The following KCNQ1 variants were observed in gnomAD, a reference collection of about 807,000 sequenced individuals.
KCNQ1 encodes the protein potassium voltage-gated channel subfamily Q member 1, also known as potassium voltage-gated channel subfamily KQT member 1.
In KCNQ1, 49 loss-of-function variants were observed where a neutral mutation model predicts 72.4. The observed-to-expected ratio is 0.68, with a 90% CI of 0.54 to 0.86. The LOEUF is 0.86. Among genes scored for constraint, KCNQ1 ranks in the 40% least tolerant of loss-of-function variants. The pLI is 0.00. For synonymous variants in KCNQ1, 450 were observed against 412.6 expected (o/e 1.09, Z -1.10); for missense variants, 790 against 945.1 (o/e 0.84, Z 2.15).
At chr11:2,597,402 T>C (rs533717335) in intron 10 of KCNQ1, among the ~76,000 whole-genome samples, 1 of 152,346 alleles carries the variant, frequency 6.6e-6, no homozygotes, top group East Asian at 1.9e-4. Flanking sequence ...AATTGTTAAA[T>C]AGCAAAAAAT....
chr11:2,714,272 C>T (rs1760161214), intron 11 of KCNQ1, among the ~76,000 whole-genome samples: 1 of 152,246 alleles, frequency 6.6e-6, no homozygotes, highest in South Asian at 2.1e-4. Context: ...AGCCCACTCA[C>T]CTCACATGGC....
rs1015157327 is a variant in KCNQ1, at chr11:2,445,050, G to A, written c.-49G>A. Reference sequence around the variant, plus strand: ...CGCCCGGGCGCTCGCCTTCGCTGCAGCTCCCGGTGCCGCCGCTCGGGCCGG... The same window carrying A: ...CGCCCGGGCGCTCGCCTTCGCTGCAACTCCCGGTGCCGCCGCTCGGGCCGG... On this transcript the variant is annotated 5_prime_UTR_variant, in exon 1 of 16. Transcript: ENST00000155840. The A allele has an allele frequency of 1.3e-5, 14 of 1,040,956 alleles. No homozygotes were observed. In the African/African-American group the frequency reaches 2.4e-4, roughly 18 times the overall value. The allele number at this position is 1,040,956 out of a possible 1,614,324, so 64.5% of individuals were successfully genotyped here.
Position 2,572,880 on chromosome 11 carries a change from G to A in KCNQ1, c.815G>A (p.Gly272Asp), listed in dbSNP as rs199472726. 2.5e-6 allele frequency: 4 copies of A among 1,613,806 alleles called. No individual in the cohort carries two copies. In the Admixed American group the frequency reaches 6.7e-5, roughly 27 times the overall value. ...LITTLYIGFLGLIFSSYFVYL... is the reference protein window; with the variant it reads ...LITTLYIGFLDLIFSSYFVYL... The stretch of plus-strand genomic sequence containing the variant: ...ACCACCCTGTACATCGGCTTCCTGG[G>A]CCTCATCTTCTCCTCGTACTTTGTG... Residue 272 changes from glycine (G) to aspartate (D), a missense_variant, in exon 6 of 16, where the codon GGC (glycine) becomes GAC (aspartate). Physicochemically the swap from Gly to Asp is moderately conservative, Grantham distance 94. This residue lies in a region of KCNQ1 where 133 missense variants were observed against 219.5 expected (regional missense o/e 0.61). Transcript: ENST00000155840.
rs532214289 is a variant in KCNQ1 at position 2,498,010 on chromosome 11, C to T, written c.387-29918C>T. On this transcript the variant is annotated intron_variant, in intron 1 of 15. Transcript: ENST00000155840. This position sits in a 1 kb window ranked among gnomAD's most constrained non-coding sequence, Gnocchi z 4.8. The stretch of plus-strand genomic sequence containing the variant: ...GGTATCACCAGTGGAGGCTGCAGAA[C>T]AGCAAAGATTGCTGCCTACTCCTTC... 6.6e-6 allele frequency among the ~76,000 whole-genome samples: 1 copy of T among 152,328 alleles called. No individual in the cohort carries two copies. Among genetic ancestry groups the T allele is most frequent in the African/African-American group, 2.4e-5 (1 of 41,586 alleles).
intron 15 of KCNQ1, among the ~76,000 whole-genome samples, chr11:2,811,234 C>G (rs1847479414): frequency 6.6e-6 from 1 of 152,238 alleles, no homozygotes; most frequent in Admixed American, 6.5e-5. Flanking sequence ...GTCCCCACGA[C>G]CCCTGTCCGG....
chr11:2,451,296 G>A lies in KCNQ1; in HGVS notation c.386+5812G>A, dbSNP rs1484800453. The stretch of plus-strand genomic sequence containing the variant: ...CGTGCAACCTAGATCCCTTGTGTGC[G>A]CAGTTCACAATAGGATTTGTGCTCC... On this transcript the variant is annotated intron_variant, in intron 1 of 15. Transcript: ENST00000155840. The surrounding 1 kb of genome is among the most constrained non-coding windows in gnomAD (Gnocchi z 6.4). Among the ~76,000 whole-genome samples the A allele has an allele frequency of 2.6e-5, 4 of 152,176 alleles. No homozygotes were observed. Among genetic ancestry groups the A allele is most frequent in the African/African-American group, 7.2e-5 (3 of 41,442 alleles).
intron 15 of KCNQ1, among the ~76,000 whole-genome samples, chr11:2,805,512 C>T (rs185195076): frequency 3.9e-5 from 6 of 152,254 alleles, no homozygotes; most frequent in Admixed American, 3.3e-4. Context: ...CCTCATCTGG[C>T]CCCGCTGCCT....
chr11:2,840,407 A>G (rs1034350682), intron 15 of KCNQ1: 1 of 152,238 alleles, frequency 6.6e-6, no homozygotes, highest in Non-Finnish European at 1.5e-5. Flanking sequence ...GAAAAGGTCC[A>G]TCATTCCATA....
chr11:2,842,054 C>T (rs12274777), intron 15 of KCNQ1, among the ~76,000 whole-genome samples: 2 of 152,144 alleles, frequency 1.3e-5, no homozygotes, highest in African/African-American at 2.4e-5. Context: ...GGTCCCCAGC[C>T]GCGGCAGAGC....
Position 2,603,457 on chromosome 11 carries a change from A to G in KCNQ1, c.1393+14603A>G, listed in dbSNP as rs1002470186. ...GCCTGTGTATCCCCAGAGCTGTGCAACTGCCACTCCAGTTTGAGAACATTT... is the reference window on the plus strand; with the variant it reads ...GCCTGTGTATCCCCAGAGCTGTGCAGCTGCCACTCCAGTTTGAGAACATTT... On this transcript the variant is annotated intron_variant, in intron 10 of 15. Transcript: ENST00000155840. The surrounding 1 kb of genome is among the most constrained non-coding windows in gnomAD (Gnocchi z 4.1). Among the ~76,000 whole-genome samples the G allele has an allele frequency of 6.6e-6, 1 of 152,158 alleles. No homozygotes were observed. Among genetic ancestry groups the G allele is most frequent in the African/African-American group, 2.4e-5 (1 of 41,412 alleles).
chr11:2,719,254 G>C (rs777387627), intron 11 of KCNQ1, among the ~76,000 whole-genome samples: 7 of 150,654 alleles, frequency 4.6e-5, no homozygotes, highest in Non-Finnish European at 8.8e-5. Context: ...TCACAGGCTG[G>C]TGCCTATAGT....
intron 11 of KCNQ1, among the ~76,000 whole-genome samples, chr11:2,743,789 T>C (rs1846096030): frequency 6.6e-6 from 1 of 152,242 alleles, no homozygotes. Flanking sequence ...CCCCCAGCAA[T>C]GACATCGGAT....
rs2133890456 is a variant in KCNQ1, at chr11:2,689,620, G to T, written c.1514+27539G>T. 4 of 398,628 alleles carry T rather than the reference G, an allele frequency of 1.0e-5. No homozygotes were observed. The East Asian group carries it at 1.4e-4, about 14-fold the overall frequency. The allele number at this position is 398,628 out of a possible 1,614,324, so 24.7% of individuals were successfully genotyped here. A position where few individuals can be genotyped will look rare whatever the true frequency, so the allele number is the denominator to read the frequency against. Reference sequence around the variant, plus strand: ...ATTCTCAAGGATCCGGGTATTTTAGGAACAAAACAAGCCAGCAGGTGCAGA... The same window carrying T: ...ATTCTCAAGGATCCGGGTATTTTAGTAACAAAACAAGCCAGCAGGTGCAGA... On this transcript the variant is annotated intron_variant, in intron 11 of 15. Transcript: ENST00000155840.
intron 11 of KCNQ1, among the ~76,000 whole-genome samples, chr11:2,730,223 G>C (rs571517174): frequency 6.6e-6 from 1 of 152,356 alleles, no homozygotes; most frequent in African/African-American, 2.4e-5. Flanking sequence ...GCTGGACCAG[G>C]AGGGCGAGGA....
chr11:2,660,849 T>C, intron 10 of KCNQ1: 1 of 398,668 alleles, frequency 2.5e-6, no homozygotes, highest in Non-Finnish European at 4.4e-6. Flanking sequence ...TGCTCCAGTA[T>C]GTCAGCTTTT....
At chr11:2,614,498 A>T (rs942352488) in intron 10 of KCNQ1, 2 of 398,328 alleles carry the variant, frequency 5.0e-6, no homozygotes, top group African/African-American at 4.1e-5. Flanking sequence ...TTCTACTAAG[A>T]AATTTATGCC....
chr11:2,570,255 C>T (rs1848308685), intron 2 of KCNQ1, among the ~76,000 whole-genome samples: 1 of 151,776 alleles, frequency 6.6e-6, no homozygotes, highest in Admixed American at 6.5e-5. Flanking sequence ...TGGTGTGGGG[C>T]CCCCTCTGAC....
rs60213335 is a variant in KCNQ1 at position 2,826,614 on chromosome 11, G to C, written c.1795-21153G>C. 5.9e-3 allele frequency among the ~76,000 whole-genome samples: 896 copies of C among 152,332 alleles called. 7 individuals are homozygous for C. The highest frequency in any genetic ancestry group is 0.021 in the African/African-American group (854 of 41,578). The stretch of plus-strand genomic sequence containing the variant: ...GTAGAAATGCCCTGGATTGGCTGTG[G>C]CACAAGAGGGCTGGCCCAGCACACC... On this transcript the variant is annotated intron_variant, in intron 15 of 15. Transcript: ENST00000155840. This position sits in a 1 kb window ranked among gnomAD's most constrained non-coding sequence, Gnocchi z 4.2.
At chr11:2,587,740 G>T (rs760039350) in intron 9 of KCNQ1, 48 bp downstream of exon 9, 7 of 1,612,546 alleles carry the variant, frequency 4.3e-6, no homozygotes, top group Non-Finnish European at 5.9e-6. Flanking sequence ...GCTAGCAGGT[G>T]GGGAGGCCGT....
Sources: gnomAD v4.1 joint callset for allele counts (sites outside exome capture counted in the v4.1 genomes callset) on GRCh38, gnomAD v4.1.1 for gene constraint, gnomAD v4.1.1 regional missense constraint, Gnocchi (gnomAD v3.1) non-coding constraint, MANE v1.5 for transcripts, NCBI Gene and HGNC (gene_info 2026-07-23, HGNC 2026-07-21) for gene names.